RPRD2: variants seen among roughly 807,000 people sequenced by gnomAD.
The protein encoded by RPRD2 is regulation of nuclear pre-mRNA domain containing 2.
In RPRD2, 12 loss-of-function variants were observed where a neutral mutation model predicts 104.4. That is an observed-to-expected ratio of 0.11 (90% CI 0.07 to 0.19). The LOEUF is 0.19. Among genes scored for constraint, RPRD2 ranks in the 10% least tolerant of loss-of-function variants. The pLI is 1.00. For missense variants in RPRD2, 1,543 were observed against 1,790.1 expected (o/e 0.86, Z 2.49); for synonymous variants, 714 against 684.9 (o/e 1.04, Z -0.66).
At chr1:150,451,729 CT>C (rs1245614614) in intron 7 of RPRD2, among the ~76,000 whole-genome samples, 3 of 151,046 alleles carry the variant, frequency 2.0e-5, no homozygotes, top group Non-Finnish European at 4.4e-5. Context: ...AAGCCCTAAC[CT>C]TCAGTACATG....
chr1:150,453,582 A>G (rs1371262818), intron 7 of RPRD2, among the ~76,000 whole-genome samples: 5 of 152,174 alleles, frequency 3.3e-5, no homozygotes, highest in Non-Finnish European at 7.3e-5. Flanking sequence ...CACTATTTTC[A>G]TGAACATATT....
chr1:150,452,844 A>G lies in RPRD2; in HGVS notation c.871-4444A>G, dbSNP rs1667287467. Among the ~76,000 whole-genome samples, 2 of 150,304 alleles carry G rather than the reference A, an allele frequency of 1.3e-5. 1 individual carries two copies. Among genetic ancestry groups the G allele is most frequent in the South Asian group, 4.2e-4 (2 of 4,770 alleles). On this transcript the variant is annotated intron_variant, in intron 7 of 10. Coordinates refer to ENST00000369068, the MANE Select transcript of RPRD2 (RefSeq NM_015203.5). ...CGCCACCACGCCTGCCTAATTTTAT[A>G]TTTTTAACAGTGATGGGGTTTCACC... is the stretch of plus-strand genomic sequence containing the variant.
chr1:150,462,802 G>A (rs914860071), intron 9 of RPRD2, among the ~76,000 whole-genome samples: 6 of 152,182 alleles, frequency 3.9e-5, no homozygotes, highest in African/African-American at 4.8e-5. Context: ...TGATCTGCTC[G>A]CGTTGGCCTC....
At chr1:150,425,517 C>T (rs1665063547) in intron 2 of RPRD2, among the ~76,000 whole-genome samples, 2 of 151,880 alleles carry the variant, frequency 1.3e-5, no homozygotes, top group Non-Finnish European at 2.9e-5. Context: ...GTGGCGCATA[C>T]CTATAATCCC....
intron 8 of RPRD2, among the ~76,000 whole-genome samples, chr1:150,459,123 C>T (rs1560219785): frequency 6.6e-6 from 1 of 152,204 alleles, no homozygotes; most frequent in African/African-American, 2.4e-5. Flanking sequence ...TTGTTAATCA[C>T]ACTTTCAGAA....
intron 1 of RPRD2, among the ~76,000 whole-genome samples, chr1:150,411,810 A>AC (rs1663947404): frequency 6.9e-6 from 1 of 144,432 alleles, no homozygotes; most frequent in Non-Finnish European, 1.5e-5. Flanking sequence ...AAAAAAAAAA[A>AC]AAAAAACGAA....
At chr1:150,413,955 T>C (rs11589873) in intron 1 of RPRD2, among the ~76,000 whole-genome samples, 33,605 of 150,698 alleles carry the variant, frequency 0.22, 4,222 homozygotes, top group African/African-American at 0.32. Context: ...TAGCCAGACA[T>C]GGTGGCATGT....
intron 9 of RPRD2, among the ~76,000 whole-genome samples, 162 bp downstream of exon 9, chr1:150,460,479 C>A (rs1164782618): frequency 1.3e-5 from 2 of 152,086 alleles, no homozygotes; most frequent in Admixed American, 6.6e-5. Flanking sequence ...TCTTGGCTCA[C>A]TGCAACCTCT....
At chr1:150,456,957 C>T (rs1358017455) in intron 7 of RPRD2, among the ~76,000 whole-genome samples, 1 of 150,238 alleles carries the variant, frequency 6.7e-6, no homozygotes, top group Non-Finnish European at 1.5e-5. Flanking sequence ...GGTTTGGTGG[C>T]TCATGCCTAT....
intron 5 of RPRD2, among the ~76,000 whole-genome samples, chr1:150,443,731 C>T (rs782043434): frequency 3.9e-5 from 6 of 152,110 alleles, no homozygotes; most frequent in African/African-American, 4.8e-5. Context: ...CTAGGCTGGG[C>T]GCGGTGGCTC....
In RPRD2 at chr1:150,388,497, G is replaced by GCGCA. The variant is rs782440726; in HGVS notation, c.205+23579_205+23580insGCAC. Among the ~76,000 whole-genome samples, 478 of 90,206 alleles carry GCGCA rather than the reference G, an allele frequency of 5.3e-3. 1 individual carries two copies. Among genetic ancestry groups the GCGCA allele is most frequent in the Non-Finnish European group, 7.5e-3 (250 of 33,224 alleles). 59.2% of individuals were successfully genotyped at this position (90,206 alleles called of 152,430 possible). ...ACATACACTATATATATATACCCGC[G>GCGCA]CACACACACACACACACACACACAC... is the stretch of plus-strand genomic sequence containing the variant. On this transcript the variant is annotated intron_variant, in intron 1 of 10. Transcript: ENST00000369068.
At chr1:150,373,907 C>CA (rs1265703509) in intron 1 of RPRD2, among the ~76,000 whole-genome samples, 1 of 151,986 alleles carries the variant, frequency 6.6e-6, no homozygotes, top group East Asian at 1.9e-4. Flanking sequence ...AGAAGAGGTC[C>CA]AGAGAGAAGG....
intron 9 of RPRD2, among the ~76,000 whole-genome samples, chr1:150,461,604 A>T (rs1322941055): frequency 7.3e-5 from 11 of 150,904 alleles, no homozygotes; most frequent in African/African-American, 2.7e-4. Flanking sequence ...CCACTTTGGG[A>T]GGTGGAGGCA....
chr1:150,417,791 C>A, intron 2 of RPRD2, 66 bp downstream of exon 2: 1 of 1,235,034 alleles, frequency 8.1e-7, no homozygotes, highest in Non-Finnish European at 1.1e-6. Flanking sequence ...GTTTCTTAAC[C>A]CATTAAGAAC....
rs368508705 is a variant in RPRD2 at position 150,448,787 on chromosome 1, A to G, written c.870+2386A>G. ...ACCTGAATTTTCATTTTCCGTCCCC[A>G]GTTTAGGTTATTCCCTAAGTCTTAG... On this transcript the variant is annotated intron_variant, in intron 7 of 10. Coordinates refer to ENST00000369068, the MANE Select transcript of RPRD2 (RefSeq NM_015203.5). 1.2e-4 allele frequency among the ~76,000 whole-genome samples: 18 copies of G among 152,148 alleles called. 1 individual carries two copies. The South Asian group carries it at 3.7e-3, about 32-fold the overall frequency.
At position 150,464,592 on chromosome 1, in the gene RPRD2, C is replaced by T; in HGVS notation, c.1477C>T (p.Leu493=). The change falls in exon 10 of 11, where the codon CTG becomes TTG. Residue 493 remains leucine, a synonymous_variant. Transcript: ENST00000369068. ...CAGCCCCAGCAACCTCACCAGTGGCCTGAAAACACCTGCACCTGCCACGAC... is the reference window on the plus strand; with the variant it reads ...CAGCCCCAGCAACCTCACCAGTGGCTTGAAAACACCTGCACCTGCCACGAC... ...PTSPSNLTSG[L]KTPAPATTTS... is the part of the protein sequence containing the mutation. 8.7e-6 allele frequency: 14 copies of T among 1,608,200 alleles called. No homozygotes were observed. The highest frequency in any genetic ancestry group is 1.2e-5 in the Non-Finnish European group (14 of 1,177,166).
intron 1 of RPRD2, among the ~76,000 whole-genome samples, chr1:150,367,602 G>C (rs1659939831): frequency 6.6e-6 from 1 of 151,910 alleles, no homozygotes; most frequent in South Asian, 2.1e-4. Flanking sequence ...AGATTCCAGA[G>C]ATATTTTAAT....
In RPRD2 at chr1:150,381,504, A is replaced by ATT. The variant is rs35623676; in HGVS notation, c.205+16602_205+16603dup. Among the ~76,000 whole-genome samples the ATT allele has an allele frequency of 1.5e-3, 204 of 138,384 alleles. 2 individuals carry two copies. Among genetic ancestry groups the ATT allele is most frequent in the South Asian group, 7.4e-3 (32 of 4,330 alleles). 90.8% of individuals were successfully genotyped at this position (138,384 alleles called of 152,430 possible). ...TTGAGAACTGCTGCAATAGGACACA[A>ATT]TTTTTTTTTTTTTTTTTTGAGACAG... is the stretch of plus-strand genomic sequence containing the variant. On this transcript the variant is annotated intron_variant, in intron 1 of 10. Transcript: ENST00000369068.
chr1:150,405,357 G>A (rs1349289683), intron 1 of RPRD2, among the ~76,000 whole-genome samples: 26 of 151,996 alleles, frequency 1.7e-4, no homozygotes, highest in Non-Finnish European at 1.5e-5. Context: ...TACATAAAAT[G>A]AAATTAGGCT....
Sources: allele counts gnomAD v4.1 joint callset (sites outside exome capture counted in the v4.1 genomes callset), GRCh38; gene constraint gnomAD v4.1.1; transcripts MANE v1.5; gene names NCBI Gene and HGNC (gene_info 2026-07-23, HGNC 2026-07-21).